SLC38A9: variants seen among roughly 807,000 people sequenced by gnomAD.
SLC38A9 encodes solute carrier family 38 member 9, also known as neutral amino acid transporter 9.
SLC38A9 carries 48 observed loss-of-function variants against 62.3 expected under a neutral mutation model. The ratio of observed to expected loss-of-function variants is 0.77; its 90% CI spans 0.61 to 0.98. SLC38A9 has a LOEUF of 0.98. Among genes scored for constraint, SLC38A9 ranks in the 50% least tolerant of loss-of-function variants. SLC38A9 has a pLI of 0.00. For synonymous variants in SLC38A9, 204 were observed against 227.7 expected, an observed-to-expected ratio of 0.90 and a Z score of 0.94; for missense variants, 541 against 679.8, an observed-to-expected ratio of 0.80 and a Z score of 2.27.
Position 55,628,523 on chromosome 5 carries a change from G to A in SLC38A9, c.1431-543C>T, listed in dbSNP as rs562650974. ...AAATCAGAAGGATATACACTGAGAA[G>A]GCAGTAGTGATTTTGTTACAATTTG... On this transcript the variant is annotated intron_variant, in intron 14 of 15. Coordinates refer to ENST00000396865, the MANE Select transcript of SLC38A9 (RefSeq NM_173514.4). Among the ~76,000 whole-genome samples, 18 of 152,160 alleles carry A rather than the reference G, an allele frequency of 1.2e-4. No individual in the cohort carries two copies. In the South Asian group the frequency reaches 3.7e-3, roughly 32 times the overall value.
At chr5:55,683,212 GTTTTTTGGTTTGTTTT>G (rs1753284713) in intron 3 of SLC38A9, among the ~76,000 whole-genome samples, 1 of 152,036 alleles carries the variant, frequency 6.6e-6, no homozygotes, top group Non-Finnish European at 1.5e-5. Flanking sequence ...ATACCAAAAG[GTTTTTTGGTTTGTTTT>G]ACAGATGAGG....
intron 4 of SLC38A9, among the ~76,000 whole-genome samples, chr5:55,672,096 C>T (rs982027480): frequency 3.3e-5 from 5 of 152,166 alleles, no homozygotes; most frequent in Admixed American, 3.3e-4. Flanking sequence ...AAGTGATCCT[C>T]TTGCCTTGGC....
At chr5:55,659,987 C>T (rs1006017784) in intron 8 of SLC38A9, among the ~76,000 whole-genome samples, 10 of 150,172 alleles carry the variant, frequency 6.7e-5, no homozygotes, top group Non-Finnish European at 1.0e-4. Flanking sequence ...AAGATGGTCT[C>T]GGTCTCCTGA....
intron 8 of SLC38A9, among the ~76,000 whole-genome samples, chr5:55,662,607 T>C (rs539289898): frequency 4.8e-5 from 7 of 146,612 alleles, no homozygotes; most frequent in African/African-American, 1.5e-4. Flanking sequence ...GAGGCAGAGA[T>C]TGCAGTGAGC....
chr5:55,685,656 C>A (rs185831830), intron 3 of SLC38A9, among the ~76,000 whole-genome samples: 1 of 151,978 alleles, frequency 6.6e-6, no homozygotes, highest in South Asian at 2.1e-4. Context: ...CAGGGTTACA[C>A]GTGCAGGATG....
In SLC38A9 at chr5:55,649,178, A is replaced by T. The variant is rs376633522; in HGVS notation, c.1060+29T>A. On this transcript the variant is annotated intron_variant, in intron 11 of 15. Transcript: ENST00000396865. ...TGACAATGGTTAAGATCACATTATT[A>T]TAATTTATTATTTTGCCAAAAAGCT... is the stretch of plus-strand genomic sequence containing the variant. 3.6e-5 allele frequency: 46 copies of T among 1,275,402 alleles called. No homozygotes were observed. The African/African-American group carries it at 5.9e-4, about 16-fold the overall frequency. 79.0% of individuals were successfully genotyped at this position (1,275,402 alleles called of 1,614,324 possible).
intron 2 of SLC38A9, among the ~76,000 whole-genome samples, chr5:55,703,429 T>G (rs923401968): frequency 2.0e-5 from 3 of 152,204 alleles, no homozygotes; most frequent in Admixed American, 6.5e-5. Context: ...AAGTTGACTC[T>G]TTGAGACACA....
At chr5:55,640,122 A>G (rs1253105514) in intron 12 of SLC38A9, among the ~76,000 whole-genome samples, 3 of 150,552 alleles carry the variant, frequency 2.0e-5, no homozygotes, top group African/African-American at 7.3e-5. Flanking sequence ...AGTAGCTGGG[A>G]TTGGAGGGGC....
intron 15 of SLC38A9, 71 bp from the exon 16 acceptor site, chr5:55,626,730 T>C (rs939135747): frequency 7.2e-7 from 1 of 1,382,188 alleles, no homozygotes; most frequent in African/African-American, 1.4e-5. Context: ...GTAAACATAG[T>C]ACAATTTAAA....
chr5:55,659,835 C>T (rs1340906645), intron 8 of SLC38A9, among the ~76,000 whole-genome samples: 5 of 151,776 alleles, frequency 3.3e-5, no homozygotes, highest in South Asian at 2.1e-4. Flanking sequence ...GCACGGTCTC[C>T]GCTCACTGCA....
In SLC38A9 at chr5:55,633,817, G is replaced by A. The variant is rs751217252; in HGVS notation, c.1367C>T (p.Pro456Leu). The A allele has an allele frequency of 6.2e-7, 1 of 1,614,130 alleles. No individual in the cohort carries two copies. The highest frequency in any genetic ancestry group is 8.5e-7 in the Non-Finnish European group (1 of 1,180,016). Residue 456 changes from proline (P) to leucine (L), a missense_variant, in exon 14 of 16, where the codon CCA (proline) becomes CTA (leucine). Physicochemically the swap from Pro to Leu is moderately conservative, Grantham distance 98. Coordinates refer to ENST00000396865, the MANE Select transcript of SLC38A9 (RefSeq NM_173514.4). Reference sequence around the variant, plus strand: ...GACACGAGCCAGGTAGCCTAAGAGTGGGTATACAGTCATCATCTGGAACAG... The same window carrying A: ...GACACGAGCCAGGTAGCCTAAGAGTAGGTATACAGTCATCATCTGGAACAG... ...FLLFQMMTVY[P>L]LLGYLARVQL...
At chr5:55,651,436 G>T (rs2150177095) in intron 10 of SLC38A9, among the ~76,000 whole-genome samples, 1 of 151,884 alleles carries the variant, frequency 6.6e-6, no homozygotes, top group Non-Finnish European at 1.5e-5. Context: ...TTTTAGTAGA[G>T]ACAGGGTTTC....
intron 3 of SLC38A9, among the ~76,000 whole-genome samples, chr5:55,677,837 TTCTG>T (rs907266996): frequency 7.2e-5 from 11 of 151,874 alleles, no homozygotes; most frequent in African/African-American, 1.9e-4. Flanking sequence ...CCAAGAATTG[TTCTG>T]TCTATCAACT....
intron 14 of SLC38A9, 57 bp downstream of exon 14, chr5:55,633,697 G>A (rs777305554): frequency 4.3e-6 from 7 of 1,611,622 alleles, no homozygotes; most frequent in South Asian, 1.1e-5. Context: ...AAACTGACCT[G>A]CTTGCACAGT....
intron 3 of SLC38A9, among the ~76,000 whole-genome samples, chr5:55,679,499 T>C (rs1372863978): frequency 1.3e-5 from 2 of 152,148 alleles, no homozygotes; most frequent in African/African-American, 2.4e-5. Context: ...ATTTTGGTTT[T>C]AAAAAAATCC....
chr5:55,633,822 T>C lies in SLC38A9; in HGVS notation c.1362A>G (p.Val454=), dbSNP rs1743924352. Residue 454 remains valine (V), a synonymous_variant, in exon 14 of 16, where the codon GTA becomes GTG. Coordinates refer to ENST00000396865, the MANE Select transcript of SLC38A9 (RefSeq NM_173514.4). The stretch of plus-strand genomic sequence containing the variant: ...GAGCCAGGTAGCCTAAGAGTGGGTA[T>C]ACAGTCATCATCTGGAACAGCAGGA... ...RIFLLFQMMT[V]YPLLGYLARV... The C allele has an allele frequency of 1.2e-6, 2 of 1,614,128 alleles. No individual in the cohort carries two copies. Among genetic ancestry groups the C allele is most frequent in the Non-Finnish European group, 1.7e-6 (2 of 1,180,022 alleles).
intron 11 of SLC38A9, among the ~76,000 whole-genome samples, chr5:55,646,327 C>T (rs1483314491): frequency 6.6e-6 from 1 of 152,034 alleles, no homozygotes; most frequent in Non-Finnish European, 1.5e-5. Context: ...GCCGAGATCA[C>T]ACCATTACAC....
Position 55,711,487 on chromosome 5 carries a change from TCA to T in SLC38A9, c.-72_-71del, listed in dbSNP as rs2150769244. On this transcript the variant is annotated 5_prime_UTR_variant, in exon 2 of 16. Coordinates refer to ENST00000396865, the MANE Select transcript of SLC38A9 (RefSeq NM_173514.4). The stretch of plus-strand genomic sequence containing the variant: ...GTAGGTTTCTCCAACTCGGTGGACC[TCA>T]GTTTCCTTCTCTGTAAAATGAGGAG... 6.6e-6 allele frequency: 1 copy of T among 152,222 alleles called. No homozygotes were observed. Among genetic ancestry groups the T allele is most frequent in the African/African-American group, 2.4e-5 (1 of 41,512 alleles). The allele number at this position is 152,222 out of a possible 1,614,324, so 9.4% of individuals were successfully genotyped here.
At chr5:55,706,857 T>G (rs1039364800) in intron 2 of SLC38A9, among the ~76,000 whole-genome samples, 12 of 152,150 alleles carry the variant, frequency 7.9e-5, no homozygotes, top group African/African-American at 2.7e-4. Context: ...TAATTTTTAT[T>G]TTTTTGTGTA....
Sources: allele counts gnomAD v4.1 joint callset (sites outside exome capture counted in the v4.1 genomes callset), GRCh38; gene constraint gnomAD v4.1.1; transcripts MANE v1.5; gene names NCBI Gene and HGNC (gene_info 2026-07-23, HGNC 2026-07-21).